Variants in VTI1A observed in about 807,000 individuals in gnomAD.
VTI1A encodes the protein vesicle transport through interaction with t-SNAREs homolog 1A.
A neutral mutation model predicts 34.9 loss-of-function variants in VTI1A; 22 were observed. That is an observed-to-expected ratio of 0.63 (90% confidence interval 0.45 to 0.90). VTI1A has a LOEUF of 0.90. Ranked by LOEUF, VTI1A falls within the 40% of genes least tolerant of loss-of-function variation. VTI1A has a pLI of 0.00. For synonymous variants in VTI1A, 87 were observed against 97.3 expected (o/e 0.89, Z 0.62); for missense variants, 268 against 275.6 (o/e 0.97, Z 0.20).
At chr10:112,594,036 A>C (rs1275186371) in intron 5 of VTI1A, among the ~76,000 whole-genome samples, 1 of 152,088 alleles carries the variant, frequency 6.6e-6, no homozygotes. Flanking sequence ...CAGCCTCCCG[A>C]GCAGCTGGGA....
At chr10:112,604,831 A>G (rs752537493) in intron 5 of VTI1A, among the ~76,000 whole-genome samples, 1 of 152,154 alleles carries the variant, frequency 6.6e-6, no homozygotes, top group Non-Finnish European at 1.5e-5. Flanking sequence ...AGCGGTGATC[A>G]CTGAGTACAG....
At chr10:112,842,342 C>A in the VTI1A span, among the ~76,000 whole-genome samples, 1 of 152,148 alleles carries the variant, frequency 6.6e-6, no homozygotes, top group African/African-American at 2.4e-5. Flanking sequence ...TGATCACTCA[C>A]CTTGGCTTCC....
intron 7 of VTI1A, among the ~76,000 whole-genome samples, chr10:112,729,353 A>T (rs1850164468): frequency 6.6e-6 from 1 of 152,172 alleles, no homozygotes; most frequent in Non-Finnish European, 1.5e-5. Context: ...GAAAATAAAG[A>T]TGTTTTCATA....
At chr10:112,774,992 G>A (rs944450467) in intron 7 of VTI1A, among the ~76,000 whole-genome samples, 3 of 152,118 alleles carry the variant, frequency 2.0e-5, no homozygotes, top group Admixed American at 6.6e-5. Context: ...GAACAATGAC[G>A]CCTGTGTCAC....
chr10:112,543,707 G>C lies in VTI1A; in HGVS notation c.427+5377G>C, dbSNP rs948896421. Among the ~76,000 whole-genome samples the C allele has an allele frequency of 5.3e-5, 8 of 152,100 alleles. No individual in the cohort carries two copies. The East Asian group carries it at 1.5e-3, about 29-fold the overall frequency. On this transcript the variant is annotated intron_variant, in intron 5 of 7. Coordinates refer to ENST00000393077, the MANE Select transcript of VTI1A (RefSeq NM_145206.4). ...AATTAGATCCCGTTTGTCAATTTTGGCTTTTGTTGCCATTGCTTTTGGTGT... is the reference window on the plus strand; with the variant it reads ...AATTAGATCCCGTTTGTCAATTTTGCCTTTTGTTGCCATTGCTTTTGGTGT...
At chr10:112,591,094 C>G (rs1844369028) in intron 5 of VTI1A, among the ~76,000 whole-genome samples, 1 of 151,446 alleles carries the variant, frequency 6.6e-6, no homozygotes, top group Non-Finnish European at 1.5e-5. Context: ...GAGCGAGACT[C>G]TGTCTCAAAA....
At chr10:112,473,297 C>T (rs1467055776) in intron 3 of VTI1A, among the ~76,000 whole-genome samples, 5 of 151,754 alleles carry the variant, frequency 3.3e-5, no homozygotes, top group African/African-American at 4.8e-5. Context: ...TTAGTAGAGA[C>T]GGGGTTTCAC....
chr10:112,654,486 T>TTTCA (rs1554933408), intron 5 of VTI1A, among the ~76,000 whole-genome samples: 9 of 152,036 alleles, frequency 5.9e-5, no homozygotes, highest in African/African-American at 1.9e-4. Context: ...TTCTTTTTCT[T>TTTCA]TTTATTTATT....
At chr10:112,664,872 A>G (rs1444352006) in intron 5 of VTI1A, among the ~76,000 whole-genome samples, 1 of 152,206 alleles carries the variant, frequency 6.6e-6, no homozygotes, top group Non-Finnish European at 1.5e-5. Context: ...GCTCATACTG[A>G]CATAGAGAAT....
intron 7 of VTI1A, among the ~76,000 whole-genome samples, chr10:112,807,153 G>A (rs950460971): frequency 7.6e-6 from 1 of 131,710 alleles, no homozygotes; most frequent in African/African-American, 2.8e-5. Context: ...TAAATGTGCA[G>A]TGCAGCCATG....
chr10:112,822,438 G>A (rs1165812101), downstream of VTI1A, among the ~76,000 whole-genome samples: 4 of 152,066 alleles, frequency 2.6e-5, no homozygotes, highest in Non-Finnish European at 4.4e-5. Context: ...AGTTTGGACA[G>A]CTAACCCTGG....
intron 7 of VTI1A, among the ~76,000 whole-genome samples, chr10:112,673,783 G>A (rs1027316474): frequency 2.0e-5 from 3 of 152,176 alleles, no homozygotes; most frequent in African/African-American, 7.2e-5. Flanking sequence ...AAAACATCTG[G>A]AAAGCTTAAA....
chr10:112,658,366 C>T (rs764146459), intron 5 of VTI1A, among the ~76,000 whole-genome samples: 1 of 152,154 alleles, frequency 6.6e-6, no homozygotes, highest in East Asian at 1.9e-4. Flanking sequence ...GTATTACAAG[C>T]ATGAGCTACC....
chr10:112,723,267 A>T (rs1210255037), intron 7 of VTI1A, among the ~76,000 whole-genome samples: 1 of 152,182 alleles, frequency 6.6e-6, no homozygotes, highest in Non-Finnish European at 1.5e-5. Flanking sequence ...GAACCTATAG[A>T]AAAAGTGCTC....
At chr10:112,582,261 A>T (rs1280837518) in intron 5 of VTI1A, among the ~76,000 whole-genome samples, 1 of 152,048 alleles carries the variant, frequency 6.6e-6, no homozygotes, top group African/African-American at 2.4e-5. Context: ...CATCATGCAG[A>T]CCTCGATCCC....
intron 5 of VTI1A, among the ~76,000 whole-genome samples, chr10:112,596,249 A>G (rs1412243735): frequency 6.6e-6 from 1 of 152,144 alleles, no homozygotes; most frequent in Admixed American, 6.5e-5. Flanking sequence ...CCAGCATGGC[A>G]CATGTATACA....
At chr10:112,769,318 C>CT in intron 7 of VTI1A, among the ~76,000 whole-genome samples, 1 of 152,326 alleles carries the variant, frequency 6.6e-6, no homozygotes, top group South Asian at 2.1e-4. Context: ...ACAGTGAGCC[C>CT]TTCCTGTATG....
intron 1 of VTI1A, among the ~76,000 whole-genome samples, chr10:112,455,153 CCCTTCCCT>C (rs1847392432): frequency 2.4e-5 from 2 of 84,276 alleles, no homozygotes; most frequent in African/African-American, 4.7e-5. Flanking sequence ...CAGTTCCCTC[CCCTTCCCT>C]CCTCCCCTCC....
intron 7 of VTI1A, among the ~76,000 whole-genome samples, chr10:112,702,125 A>G (rs1849030357): frequency 6.6e-6 from 1 of 152,194 alleles, no homozygotes; most frequent in Non-Finnish European, 1.5e-5. Context: ...TGTGGGGTGC[A>G]GCAGTCCAAC....
Sources: allele counts gnomAD v4.1 joint callset (sites outside exome capture counted in the v4.1 genomes callset), GRCh38; gene constraint gnomAD v4.1.1; transcripts MANE v1.5; gene names NCBI Gene and HGNC (gene_info 2026-07-23, HGNC 2026-07-21).